Variants in GPC3 observed in about 807,000 individuals in gnomAD.
GPC3 encodes glypican 3.
Under a neutral mutation model 34.4 loss-of-function variants are expected in GPC3, and 3 were observed. That is an observed-to-expected ratio of 0.09 (90% CI 0.04 to 0.23). The LOEUF is 0.23. Ranked by LOEUF, GPC3 falls within the 10% of genes least tolerant of loss-of-function variation. The pLI is 1.00. For synonymous variants in GPC3, 177 were observed against 174.0 expected (o/e 1.02, Z -0.13); for missense variants, 351 against 445.6 (o/e 0.79, Z 1.91).
At chrX:133,625,827 A>G (rs1457389098) in intron 6 of GPC3, among the ~76,000 whole-genome samples, 1 of 112,332 alleles carries the variant, frequency 8.9e-6, no homozygotes, top group African/African-American at 3.2e-5. Context: ...TAAAGTTCAT[A>G]TGGAACCAAA....
At chrX:133,669,270 C>T (rs1034408313) in intron 5 of GPC3, among the ~76,000 whole-genome samples, 4 of 112,126 alleles carry the variant, frequency 3.6e-5, no homozygotes, top group African/African-American at 1.3e-4. Context: ...TTTCAACTGT[C>T]TAAGGACAAT....
intron 1 of GPC3, among the ~76,000 whole-genome samples, chrX:133,978,617 T>C (rs2076526068): frequency 8.9e-6 from 1 of 112,132 alleles, no homozygotes; most frequent in East Asian, 2.8e-4. Context: ...AAAAACTGGT[T>C]ACTTTTTTAA....
chrX:133,760,970 A>T (rs748942736), intron 2 of GPC3, among the ~76,000 whole-genome samples: 9 of 108,427 alleles, frequency 8.3e-5, no homozygotes, highest in African/African-American at 1.7e-4. Flanking sequence ...AATCTTTTAA[A>T]TTTTTTTTTT....
intron 2 of GPC3, among the ~76,000 whole-genome samples, chrX:133,818,670 G>A (rs1322367211): frequency 2.7e-5 from 3 of 111,662 alleles, no homozygotes; most frequent in Non-Finnish European, 3.8e-5. Flanking sequence ...AAGCTAAAAA[G>A]CAAATTACCC....
chrX:133,623,368 T>C (rs750561435), intron 6 of GPC3, among the ~76,000 whole-genome samples: 1 of 111,559 alleles, frequency 9.0e-6, no homozygotes, highest in South Asian at 3.8e-4. Context: ...GACTGGCAAA[T>C]TGGATAAAGA....
chrX:133,715,703 G>C (rs1466900966), intron 3 of GPC3, among the ~76,000 whole-genome samples: 3 of 111,182 alleles, frequency 2.7e-5, no homozygotes, highest in Non-Finnish European at 5.6e-5. Flanking sequence ...GGGGACAATA[G>C]TTAGAGCAAA....
At chrX:133,763,981 C>T in intron 2 of GPC3, among the ~76,000 whole-genome samples, 1 of 111,949 alleles carries the variant, frequency 8.9e-6, no homozygotes. Flanking sequence ...ACATGTTCAT[C>T]ACAGCGCTAT....
At chrX:133,735,444 T>C (rs1181613949) in intron 3 of GPC3, among the ~76,000 whole-genome samples, 1 of 111,486 alleles carries the variant, frequency 9.0e-6, no homozygotes, top group Non-Finnish European at 1.9e-5. Flanking sequence ...CCTCATACCA[T>C]ATACAAAAAT....
chrX:133,741,223 T>C (rs1264625276), intron 3 of GPC3, among the ~76,000 whole-genome samples: 1 of 108,790 alleles, frequency 9.2e-6, no homozygotes, highest in Non-Finnish European at 1.9e-5. Context: ...TGCCAGAACC[T>C]TGATCTTGGA....
Position 133,891,041 on chromosome X carries a change from A to G in GPC3, c.337+62009T>C, listed in dbSNP as rs966624105. 2.9e-4 allele frequency among the ~76,000 whole-genome samples: 32 copies of G among 110,148 alleles called. 1 individual carries two copies. In the Admixed American group the frequency reaches 3.0e-3, roughly 10 times the overall value. ...GGGACACTGTCTCTTAAAAAAAAAT[A>G]AAGAAAAATAAATAAAATGTATATA... On this transcript the variant is annotated intron_variant, in intron 2 of 7. Coordinates refer to ENST00000370818, the MANE Select transcript of GPC3 (RefSeq NM_004484.4).
intron 3 of GPC3, among the ~76,000 whole-genome samples, chrX:133,735,769 C>A (rs1372429891): frequency 9.2e-6 from 1 of 109,061 alleles, no homozygotes; most frequent in African/African-American, 3.3e-5. Flanking sequence ...TCAAGACCAG[C>A]CTGGGCAACA....
intron 6 of GPC3, among the ~76,000 whole-genome samples, chrX:133,608,999 C>T (rs1034033581): frequency 9.0e-6 from 1 of 111,528 alleles, no homozygotes; most frequent in African/African-American, 3.3e-5. Context: ...TCTCAGGAAA[C>T]AAGAATAAAA....
chrX:133,543,293 A>G (rs1324062633), intron 7 of GPC3, among the ~76,000 whole-genome samples: 1 of 111,258 alleles, frequency 9.0e-6, no homozygotes, highest in Non-Finnish European at 1.9e-5. Flanking sequence ...TTATTTTTGT[A>G]TATTTCATAG....
intron 6 of GPC3, among the ~76,000 whole-genome samples, chrX:133,621,327 G>A (rs1013179185): frequency 9.0e-5 from 10 of 111,558 alleles, no homozygotes; most frequent in Admixed American, 3.8e-4. Flanking sequence ...TGCAGTCCAC[G>A]GAGCGTGAGC....
intron 2 of GPC3, among the ~76,000 whole-genome samples, chrX:133,889,937 T>A (rs1418857511): frequency 3.7e-5 from 4 of 107,078 alleles, no homozygotes; most frequent in Non-Finnish European, 5.8e-5. Context: ...CTCGCTAATT[T>A]TTTTTGTATT....
intron 2 of GPC3, among the ~76,000 whole-genome samples, chrX:133,859,937 G>T (rs907643583): frequency 9.0e-6 from 1 of 111,329 alleles, no homozygotes; most frequent in African/African-American, 3.3e-5. Context: ...GGGGAGGAGA[G>T]ATCACATGGC....
rs931392071 is a variant in GPC3, at chrX:133,685,295, G to A, written c.1292+7074C>T. 3.6e-5 allele frequency among the ~76,000 whole-genome samples: 4 copies of A among 111,522 alleles called. No individual in the cohort carries two copies. In the South Asian group the frequency reaches 1.5e-3, roughly 42 times the overall value. On this transcript the variant is annotated intron_variant, in intron 5 of 7. Transcript: ENST00000370818. ...CACATCTCATGAATTGGGTGTTCATGGTTCTCTCATATTCACTTCAACTTG... is the reference window on the plus strand; with the variant it reads ...CACATCTCATGAATTGGGTGTTCATAGTTCTCTCATATTCACTTCAACTTG...
intron 2 of GPC3, among the ~76,000 whole-genome samples, chrX:133,771,889 T>C (rs1448921768): frequency 8.9e-6 from 1 of 112,015 alleles, no homozygotes; most frequent in East Asian, 2.8e-4. Context: ...GTAAATGATG[T>C]TCAAATCGCC....
chrX:133,764,223 G>A (rs1165299580), intron 2 of GPC3, among the ~76,000 whole-genome samples: 2 of 111,484 alleles, frequency 1.8e-5, no homozygotes, highest in Admixed American at 9.6e-5. Flanking sequence ...TAAACATGGG[G>A]TACTCATGGA....
Sources: gnomAD v4.1 joint callset for allele counts (sites outside exome capture counted in the v4.1 genomes callset) on GRCh38, gnomAD v4.1.1 for gene constraint, MANE v1.5 for transcripts, NCBI Gene and HGNC (gene_info 2026-07-23, HGNC 2026-07-21) for gene names.